HECTD4: variants seen among roughly 807,000 people sequenced by gnomAD.
HECTD4 encodes the protein HECT domain E3 ubiquitin protein ligase 4.
In HECTD4, 114 loss-of-function variants were observed where a neutral mutation model predicts 471.5. The observed-to-expected ratio is 0.24, with a 90% CI of 0.21 to 0.28. HECTD4 has a LOEUF of 0.28. Among genes scored for constraint, HECTD4 ranks in the 10% least tolerant of loss-of-function variants. The pLI, the probability that HECTD4 is intolerant of heterozygous loss-of-function variation, is 1.00. For synonymous variants in HECTD4, 2,012 were observed against 2,256.0 expected (o/e 0.89, Z 3.07); for missense variants, 3,866 against 5,651.5 (o/e 0.68, Z 10.13).
chr12:112,346,431 C>A (rs1158173744), intron 1 of HECTD4, among the ~76,000 whole-genome samples: 3 of 152,146 alleles, frequency 2.0e-5, no homozygotes, highest in Non-Finnish European at 2.9e-5. Flanking sequence ...GCAATTCTTA[C>A]CAGGTGCAGC....
intron 44 of HECTD4, among the ~76,000 whole-genome samples, chr12:112,221,909 C>A: frequency 6.7e-6 from 1 of 150,006 alleles, no homozygotes; most frequent in Admixed American, 6.6e-5. Flanking sequence ...CACTCGCCCC[C>A]ATGCTCGGCT....
chr12:112,189,174 GA>G (rs902340611), intron 60 of HECTD4, among the ~76,000 whole-genome samples: 1 of 152,132 alleles, frequency 6.6e-6, no homozygotes, highest in Non-Finnish European at 1.5e-5. Flanking sequence ...TAGGGTGTAT[GA>G]AAGCATTTGA....
chr12:112,281,251 T>C (rs2034635124), intron 8 of HECTD4, among the ~76,000 whole-genome samples: 1 of 151,186 alleles, frequency 6.6e-6, no homozygotes, highest in Admixed American at 6.7e-5. Context: ...CTGGACAACA[T>C]AACAAGACCT....
chr12:112,215,794 CACT>C (rs1311639371), intron 48 of HECTD4, among the ~76,000 whole-genome samples: 4 of 152,154 alleles, frequency 2.6e-5, no homozygotes, highest in Admixed American at 6.6e-5. Context: ...CATGCGCCAC[CACT>C]AATTTTTGTA....
intron 8 of HECTD4, among the ~76,000 whole-genome samples, chr12:112,279,928 T>C (rs1338290457): frequency 6.6e-6 from 1 of 152,224 alleles, no homozygotes; most frequent in Non-Finnish European, 1.5e-5. Flanking sequence ...TTTTTACTCA[T>C]TACATCTGAG....
intron 1 of HECTD4, among the ~76,000 whole-genome samples, chr12:112,354,529 A>T (rs1006358286): frequency 1.4e-4 from 21 of 152,130 alleles, no homozygotes; most frequent in African/African-American, 4.3e-4. Flanking sequence ...TCTACAGAAG[A>T]TATAAAATTA....
At chr12:112,177,688 T>C (rs926914190) in intron 64 of HECTD4, among the ~76,000 whole-genome samples, 1 of 152,244 alleles carries the variant, frequency 6.6e-6, no homozygotes, top group African/African-American at 2.4e-5. Context: ...CCTATGAGGC[T>C]ATTTTTTAAA....
chr12:112,265,767 C>T, intron 15 of HECTD4, 111 bp downstream of exon 15: 2 of 743,390 alleles, frequency 2.7e-6, no homozygotes, highest in Non-Finnish European at 4.6e-6. Flanking sequence ...GTTTAACATG[C>T]TAACGATCGT....
At chr12:112,359,853 C>T (rs1301447884) in intron 1 of HECTD4, among the ~76,000 whole-genome samples, 3 of 152,124 alleles carry the variant, frequency 2.0e-5, no homozygotes, top group Non-Finnish European at 2.9e-5. Context: ...GCTGAGACTA[C>T]AGGCATAAGC....
rs1217913799 is a variant in HECTD4 at position 112,269,798 on chromosome 12, T to C, written c.2227A>G (p.Ile743Val). The change falls in exon 13 of 76, where the codon ATT becomes GTT. Residue 743 changes from isoleucine (I) to valine (V), a missense_variant. Ile to Val is a conservative substitution (Grantham distance 29, BLOSUM62 3). Transcript: ENST00000682272. The part of the protein sequence containing the change: ...SPQTERNRDI[I>V]RRSGLLLWQL... ...CAAAGAAGCAATCCCGACCGTCGAATGATGTCTCGATTCCTTTCAGTTTGT... is the reference window on the plus strand; with the variant it reads ...CAAAGAAGCAATCCCGACCGTCGAACGATGTCTCGATTCCTTTCAGTTTGT... 1 of 1,614,018 alleles carries C rather than the reference T, an allele frequency of 6.2e-7. No individual in the cohort carries two copies. The highest frequency in any genetic ancestry group is 8.5e-7 in the Non-Finnish European group (1 of 1,179,860).
At position 112,319,214 on chromosome 12, in the gene HECTD4, A is replaced by T; in HGVS notation, c.695+11T>A. On this transcript the variant is annotated intron_variant, in intron 2 of 75. Coordinates refer to ENST00000682272, the MANE Select transcript of HECTD4 (RefSeq NM_001388303.1). This position sits in a 1 kb window ranked among gnomAD's most constrained non-coding sequence, Gnocchi z 5.3. ...ACAAGGTCACCAAATGATACATTCGATTTTCCTTACCTGGCACAAGCCAAA... is the reference window on the plus strand; with the variant it reads ...ACAAGGTCACCAAATGATACATTCGTTTTTCCTTACCTGGCACAAGCCAAA... 1 of 1,535,716 alleles carries T rather than the reference A, an allele frequency of 6.5e-7. No homozygotes were observed. Among genetic ancestry groups the T allele is most frequent in the Non-Finnish European group, 8.7e-7 (1 of 1,146,664 alleles).
At chr12:112,376,496 G>T (rs571172853) in intron 1 of HECTD4, among the ~76,000 whole-genome samples, 45 of 151,872 alleles carry the variant, frequency 3.0e-4, no homozygotes, top group African/African-American at 9.4e-4. Context: ...TCTGCCCGCC[G>T]TGGCCTCCCA....
intron 1 of HECTD4, among the ~76,000 whole-genome samples, chr12:112,344,465 T>A (rs904128640): frequency 6.6e-6 from 1 of 152,122 alleles, no homozygotes; most frequent in African/African-American, 2.4e-5. Context: ...CTGTTCAAAA[T>A]ACAAACTCCA....
rs143828796 is a variant in HECTD4, at chr12:112,361,734, A to G, written c.177+20218T>C. 5.6e-3 allele frequency among the ~76,000 whole-genome samples: 847 copies of G among 152,278 alleles called. 7 individuals are homozygous for G. The highest frequency in any genetic ancestry group is 0.019 in the African/African-American group (798 of 41,566). On this transcript the variant is annotated intron_variant, in intron 1 of 75. Coordinates refer to ENST00000682272, the MANE Select transcript of HECTD4 (RefSeq NM_001388303.1). ...ATAAGGATCCCCTGAAGGACCCTGC[A>G]TTTTAAAGTCCCAGGTTATTTGTCA...
At chr12:112,269,038 C>T (rs988242769) in intron 13 of HECTD4, among the ~76,000 whole-genome samples, 1 of 150,956 alleles carries the variant, frequency 6.6e-6, no homozygotes, top group Non-Finnish European at 1.5e-5. Context: ...CCATGCCCGG[C>T]TAATTTTTGT....
chr12:112,193,044 G>C lies in HECTD4; in HGVS notation c.9086+17C>G, dbSNP rs780625109. The C allele has an allele frequency of 3.7e-6, 6 of 1,613,730 alleles. No individual in the cohort carries two copies. Among genetic ancestry groups the C allele is most frequent in the African/African-American group, 1.3e-5 (1 of 75,032 alleles). ...TTCCTCTCCCCATCACCATCTTCTT[G>C]AGAACAGGCAACTTACTCTTTGCGG... On this transcript the variant is annotated intron_variant, in intron 58 of 75. Coordinates refer to ENST00000682272, the MANE Select transcript of HECTD4 (RefSeq NM_001388303.1). This position sits in a 1 kb window ranked among gnomAD's most constrained non-coding sequence, Gnocchi z 5.2.
chr12:112,307,386 A>G (rs911718883), intron 6 of HECTD4, among the ~76,000 whole-genome samples: 10 of 152,246 alleles, frequency 6.6e-5, no homozygotes, highest in African/African-American at 2.2e-4. Context: ...TGCAATGCAC[A>G]TATCTAGTTT....
chr12:112,379,219 G>A (rs2036843961), intron 1 of HECTD4, among the ~76,000 whole-genome samples: 1 of 152,198 alleles, frequency 6.6e-6, no homozygotes. Context: ...AGGAGCAGAT[G>A]TGCAGTGAAC....
intron 29 of HECTD4, among the ~76,000 whole-genome samples, chr12:112,244,711 A>G (rs2033719892): frequency 6.6e-6 from 1 of 152,130 alleles, no homozygotes; most frequent in Non-Finnish European, 1.5e-5. Flanking sequence ...CATTTTTTTC[A>G]GAGATGGCCT....
Sources: allele counts gnomAD v4.1 joint callset (sites outside exome capture counted in the v4.1 genomes callset), GRCh38; gene constraint gnomAD v4.1.1; non-coding constraint Gnocchi (gnomAD v3.1); transcripts MANE v1.5; gene names NCBI Gene and HGNC (gene_info 2026-07-23, HGNC 2026-07-21).